Variants in TSHZ2 observed in about 807,000 individuals in gnomAD.
TSHZ2 encodes the protein teashirt zinc finger homeobox 2, also known as teashirt homolog 2.
Under a neutral mutation model 74.4 loss-of-function variants are expected in TSHZ2, and 21 were observed. The ratio of observed to expected loss-of-function variants is 0.28; its 90% CI spans 0.20 to 0.41. The LOEUF (loss-of-function observed/expected upper bound fraction) is 0.41. Among genes scored for constraint, TSHZ2 ranks in the 10% least tolerant of loss-of-function variants. The pLI, the probability that TSHZ2 is intolerant of heterozygous loss-of-function variation, is 1.00. For missense variants in TSHZ2, 1,244 were observed against 1,293.5 expected, an observed-to-expected ratio of 0.96 and a Z score of 0.59; for synonymous variants, 540 against 515.3, an observed-to-expected ratio of 1.05 and a Z score of -0.65.
intron 1 of TSHZ2, among the ~76,000 whole-genome samples, chr20:53,147,349 T>C (rs1987566615): frequency 6.6e-6 from 1 of 152,226 alleles, no homozygotes; most frequent in Non-Finnish European, 1.5e-5. Flanking sequence ...GTCTTTAATA[T>C]CTCTGTATAA....
At chr20:53,459,129 A>C (rs147659308) in intron 2 of TSHZ2, among the ~76,000 whole-genome samples, 1 of 151,928 alleles carries the variant, frequency 6.6e-6, no homozygotes, top group Non-Finnish European at 1.5e-5. Flanking sequence ...TTTCTGTCTC[A>C]TTGATCTGTC....
At chr20:53,069,136 A>G (rs553169579) in intron 1 of TSHZ2, among the ~76,000 whole-genome samples, 59 of 152,320 alleles carry the variant, frequency 3.9e-4, no homozygotes, top group African/African-American at 1.4e-3. Flanking sequence ...ATTAATCCTC[A>G]TTAGTTGTCA....
chr20:53,070,513 G>T (rs1396084234), intron 1 of TSHZ2, among the ~76,000 whole-genome samples: 1 of 152,176 alleles, frequency 6.6e-6, no homozygotes, highest in Non-Finnish European at 1.5e-5. Context: ...TAAAAATGTA[G>T]ATCATTTTTA....
chr20:53,438,353 C>T (rs895706236), intron 2 of TSHZ2, among the ~76,000 whole-genome samples: 2 of 151,978 alleles, frequency 1.3e-5, no homozygotes, highest in African/African-American at 4.8e-5. Flanking sequence ...CAGGCAATAC[C>T]CAAGTGCTAG....
intron 2 of TSHZ2, among the ~76,000 whole-genome samples, chr20:53,466,333 T>A (rs1600663068): frequency 6.6e-6 from 1 of 150,424 alleles, no homozygotes; most frequent in South Asian, 2.1e-4. Context: ...TTGGAGGGCA[T>A]ACCGTTCTTA....
intron 1 of TSHZ2, chr20:53,185,631 A>T (rs1988580751): frequency 6.5e-7 from 1 of 1,535,900 alleles, no homozygotes; most frequent in South Asian, 1.2e-5. Flanking sequence ...AAAAAAGAAA[A>T]AAAAGAAAGA....
intron 1 of TSHZ2, among the ~76,000 whole-genome samples, chr20:53,241,031 G>T (rs1990056652): frequency 6.6e-6 from 1 of 152,086 alleles, no homozygotes; most frequent in African/African-American, 2.4e-5. Flanking sequence ...AGCCAATTTG[G>T]TACTATTAGG....
chr20:53,289,328 C>A (rs1401064621), intron 2 of TSHZ2, among the ~76,000 whole-genome samples: 3 of 152,150 alleles, frequency 2.0e-5, no homozygotes, highest in African/African-American at 7.2e-5. Context: ...TGGGTAGATA[C>A]CGAATAGTGG....
intron 2 of TSHZ2, among the ~76,000 whole-genome samples, chr20:53,419,044 G>A (rs1983374326): frequency 6.6e-6 from 1 of 152,220 alleles, no homozygotes; most frequent in South Asian, 2.1e-4. Context: ...CTCTTGTTGG[G>A]TGAATTAACA....
At chr20:53,348,427 T>C (rs1033220901) in intron 2 of TSHZ2, among the ~76,000 whole-genome samples, 1 of 151,704 alleles carries the variant, frequency 6.6e-6, no homozygotes, top group African/African-American at 2.4e-5. Context: ...GTGGAATAAA[T>C]GAAAGGCATA....
chr20:53,048,085 C>T (rs1252499070), intron 1 of TSHZ2, among the ~76,000 whole-genome samples: 3 of 152,138 alleles, frequency 2.0e-5, no homozygotes, highest in South Asian at 4.2e-4. Context: ...ATACAGCTGG[C>T]GCTGACCTTC....
chr20:53,003,160 G>A (rs1042111140), intron 1 of TSHZ2, among the ~76,000 whole-genome samples: 13 of 151,980 alleles, frequency 8.6e-5, no homozygotes, highest in South Asian at 2.1e-4. Context: ...TTAGTTCACC[G>A]TCCAGGTACT....
intron 1 of TSHZ2, among the ~76,000 whole-genome samples, chr20:52,997,613 T>C (rs924539922): frequency 2.6e-5 from 4 of 152,014 alleles, no homozygotes; most frequent in African/African-American, 9.7e-5. Context: ...TCCCCAGCCC[T>C]ACCCTCTAGA....
chr20:53,123,685 T>C (rs1249936097), intron 1 of TSHZ2, among the ~76,000 whole-genome samples: 1 of 151,948 alleles, frequency 6.6e-6, no homozygotes, highest in Admixed American at 6.6e-5. Flanking sequence ...ACAAGTAAGT[T>C]AGCCGGCAAA....
At chr20:53,223,138 T>TA (rs1989603180) in intron 1 of TSHZ2, among the ~76,000 whole-genome samples, 1 of 91,608 alleles carries the variant, frequency 1.1e-5, no homozygotes, top group Admixed American at 1.0e-4. Context: ...GACCTAGAGA[T>TA]TTTTTTTTTT....
chr20:53,307,164 G>A (rs1978578787), intron 2 of TSHZ2, among the ~76,000 whole-genome samples: 1 of 151,756 alleles, frequency 6.6e-6, no homozygotes, highest in South Asian at 2.1e-4. Context: ...TGACGCTCCT[G>A]GAATGCAACG....
At chr20:53,278,046 CAT>C (rs1415868459) in intron 2 of TSHZ2, among the ~76,000 whole-genome samples, 3 of 152,216 alleles carry the variant, frequency 2.0e-5, no homozygotes, top group African/African-American at 7.2e-5. Flanking sequence ...ATTCAAAGCT[CAT>C]ATCACAATGA....
intron 2 of TSHZ2, among the ~76,000 whole-genome samples, chr20:53,267,705 C>T (rs1180987001): frequency 6.6e-6 from 1 of 152,182 alleles, no homozygotes; most frequent in Non-Finnish European, 1.5e-5. Flanking sequence ...GTCAGATACT[C>T]ACAAACACTT....
In TSHZ2 at chr20:53,473,240, C is replaced by A. The variant is rs777785592; in HGVS notation, c.*9-13904C>A. ...AACAAAAAGACAGCAGTAACCTCTG[C>A]AGACTTAAATGTCCCTGTCTGACAG... On this transcript the variant is annotated intron_variant, in intron 2 of 2. Coordinates refer to ENST00000371497, the MANE Select transcript of TSHZ2 (RefSeq NM_173485.6). Among the ~76,000 whole-genome samples, 726 of 143,794 alleles carry A rather than the reference C, an allele frequency of 5.0e-3. 5 individuals are homozygous for A. Among genetic ancestry groups the A allele is most frequent in the South Asian group, 0.011 (48 of 4,286 alleles). 94.3% of individuals were successfully genotyped at this position (143,794 alleles called of 152,430 possible).
Sources: gnomAD v4.1 joint callset for allele counts (sites outside exome capture counted in the v4.1 genomes callset) on GRCh38, gnomAD v4.1.1 for gene constraint, MANE v1.5 for transcripts, NCBI Gene and HGNC (gene_info 2026-07-23, HGNC 2026-07-21) for gene names.